CCDC171: variants seen among roughly 807,000 people sequenced by gnomAD.
CCDC171 encodes the protein coiled-coil domain containing 171.
Under a neutral mutation model 168.2 loss-of-function variants are expected in CCDC171, and 177 were observed. The ratio of observed to expected loss-of-function variants is 1.05; its 90% CI spans 0.93 to 1.19. The LOEUF (loss-of-function observed/expected upper bound fraction) is 1.19, where lower values mean the gene tolerates loss of function less well. Among genes scored for constraint, CCDC171 ranks in the 50% most tolerant of loss-of-function variants. The pLI, the probability that CCDC171 is intolerant of heterozygous loss-of-function variation, is 0.00. For missense variants in CCDC171, 1,991 were observed against 1,539.0 expected (o/e 1.29, Z -4.91); for synonymous variants, 687 against 540.8 (o/e 1.27, Z -3.75).
Position 15,594,124 on chromosome 9 carries a change from A to G in CCDC171, c.627A>G (p.Gln209=), listed in dbSNP as rs576701923. 4.0e-6 allele frequency: 6 copies of G among 1,508,040 alleles called. No individual in the cohort carries two copies. The highest frequency in any genetic ancestry group is 2.8e-5 in the African/African-American group (2 of 72,628). The allele number at this position is 1,508,040 out of a possible 1,614,324, so 93.4% of individuals were successfully genotyped here. A position where few individuals can be genotyped will look rare whatever the true frequency, so the allele number is the denominator to read the frequency against. ...RETALEEFRL[Q]EEQWEAERRE... ...CAGCATTGGAGGAGTTTAGATTACA[A>G]GAAGAACAATGGGAAGCAGAAAGAA... The change falls in exon 6 of 26, where the codon CAA becomes CAG. Residue 209 remains glutamine (Q), a synonymous_variant. Transcript: ENST00000380701.
rs568963422 is a variant in CCDC171 at position 15,863,594 on chromosome 9, T to A, written c.3469-10938T>A. Among the ~76,000 whole-genome samples, 19 of 152,188 alleles carry A rather than the reference T, an allele frequency of 1.2e-4. 1 individual carries two copies. Among genetic ancestry groups the A allele is most frequent in the African/African-American group, 4.1e-4 (17 of 41,548 alleles). On this transcript the variant is annotated intron_variant, in intron 23 of 25. Coordinates refer to ENST00000380701, the MANE Select transcript of CCDC171 (RefSeq NM_173550.4). ...TGCTTCTTTTTTCTTTTCATTTACA[T>A]TTTCTATTTTGGAAGACATTGTTCT...
intron 16 of CCDC171, among the ~76,000 whole-genome samples, chr9:15,742,276 T>C (rs1452760982): frequency 6.6e-6 from 1 of 152,220 alleles, no homozygotes; most frequent in Non-Finnish European, 1.5e-5. Context: ...TGGCTTCTCA[T>C]ACCTCTCTAG....
At chr9:15,875,509 G>C (rs1007015581) in intron 24 of CCDC171, 2 of 151,736 alleles carry the variant, frequency 1.3e-5, no homozygotes, top group East Asian at 1.9e-4. Context: ...ATTATAGGAA[G>C]CATGATATTT....
In CCDC171 at chr9:15,557,144, C is replaced by A. The variant is rs544648477; in HGVS notation, c.-112+3842C>A. Among the ~76,000 whole-genome samples, 139 of 152,188 alleles carry A rather than the reference C, an allele frequency of 9.1e-4. 2 individuals are homozygous for A. Among genetic ancestry groups the A allele is most frequent in the African/African-American group, 3.1e-3 (129 of 41,534 alleles). ...TACCATGCTGTTTTGGTGACTGTAG[C>A]CTTGTAGTATAGTTTGAAGTCAGGT... is the stretch of plus-strand genomic sequence containing the variant. On this transcript the variant is annotated intron_variant, in intron 1 of 25. Transcript: ENST00000380701.
chr9:15,724,884 G>A lies in CCDC171; in HGVS notation c.1600G>A (p.Val534Met), dbSNP rs200459237. The change falls in exon 14 of 26, where the codon GTG becomes ATG. Residue 534 changes from valine to methionine, a missense_variant. By Grantham distance (21) the Val-to-Met change is conservative (BLOSUM62 1). Transcript: ENST00000380701. ...CACTTTAAAAGTGGAACTACAAAAT[G>A]TGCTGCACTGTTGGGAGAAAGAAAA... ...ISTLKVELQN[V>M]LHCWEKEKAQ... The A allele has an allele frequency of 5.4e-4, 864 of 1,613,892 alleles. 1 individual carries two copies. The highest frequency in any genetic ancestry group is 1.6e-3 in the South Asian group (145 of 91,078).
chr9:15,761,957 A>G (rs189107463), intron 18 of CCDC171, among the ~76,000 whole-genome samples: 63 of 152,278 alleles, frequency 4.1e-4, no homozygotes, highest in Admixed American at 1.1e-3. Context: ...TTTAAGAGCA[A>G]TTTTCAAATG....
rs750829875 is a variant in CCDC171 at position 15,744,586 on chromosome 9, A to C, written c.2363A>C (p.Lys788Thr). ...GAGGAAAAGAAGCAAGAGGAAGCCA[A>C]GATGAAAAAGAAAACATTCAAAGGA... ...TVEEKKQEEA[K>T]MKKKTFKGLI... The change falls in exon 17 of 26, where the codon AAG (lysine) becomes ACG (threonine). Residue 788 changes from lysine to threonine, a missense_variant. Lys to Thr is a moderately conservative substitution (Grantham distance 78, BLOSUM62 -1). Coordinates refer to ENST00000380701, the MANE Select transcript of CCDC171 (RefSeq NM_173550.4). 6.2e-7 allele frequency: 1 copy of C among 1,614,252 alleles called. No individual in the cohort carries two copies. Among genetic ancestry groups the C allele is most frequent in the Non-Finnish European group, 8.5e-7 (1 of 1,180,036 alleles).
In CCDC171 at chr9:15,623,297, A is replaced by G; in HGVS notation, c.706A>G (p.Lys236Glu). 6.3e-7 allele frequency: 1 copy of G among 1,599,084 alleles called. No homozygotes were observed. Among genetic ancestry groups the G allele is most frequent in the Non-Finnish European group, 8.5e-7 (1 of 1,171,944 alleles). Residue 236 changes from lysine (K) to glutamate (E), a missense_variant, in exon 7 of 26, where the codon AAG (lysine) becomes GAG (glutamate). Coordinates refer to ENST00000380701, the MANE Select transcript of CCDC171 (RefSeq NM_173550.4). ...EQDTAVQNMH[K>E]KVEKLETEHM... ...AGATACTGCTGTGCAAAATATGCAT[A>G]AGAAAGTAGAAAAATTAGAAACAGA...
chr9:16,021,046 C>G (rs1156434932), intron 4 of CCDC171, among the ~76,000 whole-genome samples: 2 of 152,158 alleles, frequency 1.3e-5, no homozygotes, highest in South Asian at 4.1e-4. Context: ...ATGCTTTTTG[C>G]TATATTTTAA....
chr9:15,777,475 A>G, intron 18 of CCDC171, 125 bp from the exon 19 acceptor site: 3 of 561,390 alleles, frequency 5.3e-6, no homozygotes, highest in Admixed American at 7.1e-5. Context: ...ACCTTTTTGA[A>G]TGAATTACTA....
Position 15,744,360 on chromosome 9 carries a change from T to G in CCDC171, c.2137T>G (p.Phe713Val). 1 of 1,614,104 alleles carries G rather than the reference T, an allele frequency of 6.2e-7. No individual in the cohort carries two copies. Among genetic ancestry groups the G allele is most frequent in the Non-Finnish European group, 8.5e-7 (1 of 1,179,992 alleles). The change falls in exon 17 of 26, where the codon TTC becomes GTC. Residue 713 changes from phenylalanine (F) to valine (V), a missense_variant. Coordinates refer to ENST00000380701, the MANE Select transcript of CCDC171 (RefSeq NM_173550.4). ...ACAGTTGGTTCTTGAAAATTCGCAC[T>G]TCAAAAAACTGTTATCACAGACTCA... ...HEQLVLENSH[F>V]KKLLSQTQRE...
At position 15,918,625 on chromosome 9, in the gene CCDC171, A is replaced by C. The variant is rs528847635; in HGVS notation, c.3601-1645A>C. 1.8e-3 allele frequency among the ~76,000 whole-genome samples: 274 copies of C among 151,706 alleles called. 2 individuals are homozygous for C. Among genetic ancestry groups the C allele is most frequent in the African/African-American group, 6.3e-3 (262 of 41,538 alleles). On this transcript the variant is annotated intron_variant, in intron 24 of 25. Transcript: ENST00000380701. ...CTATAAACTTGCCTTGAAATGATTCAAAGGAAGATAGGTTAGGATATGTCA... is the reference window on the plus strand; with the variant it reads ...CTATAAACTTGCCTTGAAATGATTCCAAGGAAGATAGGTTAGGATATGTCA...
Position 15,971,748 on chromosome 9 carries a change from A to G in CCDC171, c.3893A>G (p.Asn1298Ser), listed in dbSNP as rs200892792. 13 of 1,613,902 alleles carry G rather than the reference A, an allele frequency of 8.1e-6. No homozygotes were observed. The highest frequency in any genetic ancestry group is 1.1e-5 in the Non-Finnish European group (13 of 1,179,924). The change falls in exon 26 of 26, where the codon AAT (asparagine) becomes AGT (serine). Residue 1298 changes from asparagine to serine, a missense_variant. Asn to Ser is a conservative substitution (Grantham distance 46). Coordinates refer to ENST00000380701, the MANE Select transcript of CCDC171 (RefSeq NM_173550.4). ...ACTTTCTTAAAGGAGACATTTATAA[A>G]TACTGTGCCCCATGCTCTGACATCA... ...TYTFLKETFI[N>S]TVPHALTSSH...
At position 15,564,107 on chromosome 9, in the gene CCDC171, A is replaced by G. The variant is rs368515656; in HGVS notation, c.19A>G (p.Ser7Gly). Residue 7 changes from serine (S) to glycine (G), a missense_variant, in exon 2 of 26, where the codon AGT becomes GGT. Ser to Gly is a moderately conservative substitution (Grantham distance 56, BLOSUM62 0). Coordinates refer to ENST00000380701, the MANE Select transcript of CCDC171 (RefSeq NM_173550.4). Reference protein sequence around the residue: MNLNTSSNTGDTQRLKI... With the variant: MNLNTSGNTGDTQRLKI... ...AAACATCATGAATTTGAATACTTCA[A>G]GTAATACTGGTGATACCCAAAGGTA... 143 of 1,608,164 alleles carry G rather than the reference A, an allele frequency of 8.9e-5. No individual in the cohort carries two copies. The Admixed American group carries it at 1.4e-3, about 16-fold the overall frequency.
intron 18 of CCDC171, among the ~76,000 whole-genome samples, chr9:15,763,819 A>G (rs1217966036): frequency 6.6e-6 from 1 of 152,180 alleles, no homozygotes; most frequent in East Asian, 1.9e-4. Flanking sequence ...TAACTTATTG[A>G]TGGGCATTAG....
At chr9:15,974,858 T>C (rs1315751962), downstream of CCDC171, among the ~76,000 whole-genome samples, 1 of 152,186 alleles carries the variant, frequency 6.6e-6, no homozygotes, top group Non-Finnish European at 1.5e-5. Context: ...TATTTTCATA[T>C]TACTTCATTT....
chr9:16,079,789 T>A, the CCDC171 span, among the ~76,000 whole-genome samples: 1 of 151,900 alleles, frequency 6.6e-6, no homozygotes, highest in Non-Finnish European at 1.5e-5. Flanking sequence ...GCTGGTTCTT[T>A]GTATGACTAG....
chr9:15,598,532 G>C (rs977971958), intron 6 of CCDC171, among the ~76,000 whole-genome samples: 3 of 152,088 alleles, frequency 2.0e-5, no homozygotes, highest in Non-Finnish European at 2.9e-5. Context: ...TATAATTTCT[G>C]TTCTTTTACA....
At chr9:16,001,649 A>G (rs1344400593) in intron 3 of CCDC171, among the ~76,000 whole-genome samples, 1 of 152,018 alleles carries the variant, frequency 6.6e-6, no homozygotes, top group Non-Finnish European at 1.5e-5. Flanking sequence ...TAGAGCTGAA[A>G]AATTCCTATA....
Sources: allele counts gnomAD v4.1 joint callset (sites outside exome capture counted in the v4.1 genomes callset), GRCh38; gene constraint gnomAD v4.1.1; transcripts MANE v1.5; gene names NCBI Gene and HGNC (gene_info 2026-07-23, HGNC 2026-07-21).